The following SLC17A5 variants were observed in gnomAD, a reference collection of about 807,000 sequenced individuals.
SLC17A5 encodes the protein solute carrier family 17 member 5, also known as sialin.
Under a neutral mutation model 59.4 loss-of-function variants are expected in SLC17A5, and 47 were observed. The observed-to-expected ratio is 0.79, with a 90% CI of 0.63 to 1.01. The LOEUF (loss-of-function observed/expected upper bound fraction) is 1.01, where lower values mean the gene tolerates loss of function less well. Among genes scored for constraint, SLC17A5 ranks in the 50% least tolerant of loss-of-function variants. SLC17A5 has a pLI of 0.00. For missense variants in SLC17A5, 522 were observed against 595.5 expected, an observed-to-expected ratio of 0.88 and a Z score of 1.28; for synonymous variants, 202 against 210.7, an observed-to-expected ratio of 0.96 and a Z score of 0.36.
chr6:73,606,575 C>T (rs1324687965), intron 9 of SLC17A5, among the ~76,000 whole-genome samples: 1 of 151,770 alleles, frequency 6.6e-6, no homozygotes, highest in African/African-American at 2.4e-5. Context: ...AAGATGTAGA[C>T]TTCAACCACC....
chr6:73,635,346 T>G (rs1263441873), intron 6 of SLC17A5, 36 bp downstream of exon 6: 1 of 1,168,332 alleles, frequency 8.6e-7, no homozygotes, highest in African/African-American at 1.5e-5. Context: ...AAAAAAAGTT[T>G]CTGACATTAT....
Position 73,641,767 on chromosome 6 carries a change from G to A in SLC17A5, c.449C>T (p.Thr150Ile). ...GFGILGTAVL[T>I]LFTPIAADLG... is the part of the protein sequence containing the mutation. ...ATCTGCAGCAATGGGAGTGAACAGG[G>A]TGAGGACAGCAGTGCCAAGGATCCC... Residue 150 changes from threonine (T) to isoleucine (I), a missense_variant, in exon 3 of 11, where the codon ACC (threonine) becomes ATC (isoleucine). Physicochemically the swap from Thr to Ile is moderately conservative, Grantham distance 89. This residue lies in a region of SLC17A5 where 338 missense variants were observed against 363.8 expected (regional missense o/e 0.93). Transcript: ENST00000355773. The A allele has an allele frequency of 6.2e-7, 1 of 1,614,110 alleles. No individual in the cohort carries two copies. Among genetic ancestry groups the A allele is most frequent in the Non-Finnish European group, 8.5e-7 (1 of 1,180,012 alleles).
chr6:73,595,294 G>A lies in SLC17A5; in HGVS notation c.1351-80C>T, dbSNP rs915784180. The A allele has an allele frequency of 9.4e-6, 14 of 1,484,014 alleles. No homozygotes were observed. The African/African-American group carries it at 1.3e-4, about 13-fold the overall frequency. The allele number at this position is 1,484,014 out of a possible 1,614,324, so 91.9% of individuals were successfully genotyped here. A position where few individuals can be genotyped will look rare whatever the true frequency, so the allele number is the denominator to read the frequency against. On this transcript the variant is annotated intron_variant, in intron 10 of 10. Coordinates refer to ENST00000355773, the MANE Select transcript of SLC17A5 (RefSeq NM_012434.5). Reference sequence around the variant, plus strand: ...TCATTAAAAAGATAGTGTCACAAGAGTGTTAAAACAGCCACATTATTCATA... The same window carrying A: ...TCATTAAAAAGATAGTGTCACAAGAATGTTAAAACAGCCACATTATTCATA...
chr6:73,633,377 A>T (rs1013693618), intron 6 of SLC17A5, among the ~76,000 whole-genome samples: 1 of 151,880 alleles, frequency 6.6e-6, no homozygotes, highest in African/African-American at 2.4e-5. Context: ...TAAAAAACTT[A>T]AAAAGAAATG....
At chr6:73,615,531 A>C (rs561936110) in intron 7 of SLC17A5, 84 bp from the exon 8 acceptor site, 67 of 1,374,240 alleles carry the variant, frequency 4.9e-5, no homozygotes, top group Non-Finnish European at 6.9e-5. Flanking sequence ...AATGACCACC[A>C]CTTGAAAGCA....
intron 6 of SLC17A5, among the ~76,000 whole-genome samples, chr6:73,628,853 A>G (rs543275205): frequency 6.6e-6 from 1 of 152,318 alleles, no homozygotes; most frequent in East Asian, 1.9e-4. Flanking sequence ...TATAGAGGGT[A>G]AGATCACTCG....
chr6:73,622,958 C>T (rs1320876274), intron 6 of SLC17A5, among the ~76,000 whole-genome samples: 3 of 152,074 alleles, frequency 2.0e-5, no homozygotes, highest in Admixed American at 1.3e-4. Context: ...TCGTATGAGT[C>T]CCCCAATTCA....
Position 73,618,530 on chromosome 6 carries a change from T to C in SLC17A5, c.979-3083A>G, listed in dbSNP as rs530848018. 5 of 522,218 alleles carry C rather than the reference T, an allele frequency of 9.6e-6. No homozygotes were observed. The Middle Eastern group carries it at 1.8e-3, about 183-fold the overall frequency. 32.3% of individuals were successfully genotyped at this position (522,218 alleles called of 1,614,324 possible). A position where few individuals can be genotyped will look rare whatever the true frequency, so the allele number is the denominator to read the frequency against. ...TTGTGTGTTGGGTGCTCTACTGTCC[T>C]CTGCCAGCCTACAGGAGGAAAAGCA... On this transcript the variant is annotated intron_variant, in intron 7 of 10. Transcript: ENST00000355773.
chr6:73,634,251 A>G (rs1768897937), intron 6 of SLC17A5, among the ~76,000 whole-genome samples: 1 of 152,184 alleles, frequency 6.6e-6, no homozygotes, highest in Non-Finnish European at 1.5e-5. Flanking sequence ...ATATCATAAT[A>G]AATGTGCTGT....
chr6:73,618,521 C>A, intron 7 of SLC17A5: 1 of 522,382 alleles, frequency 1.9e-6, no homozygotes, highest in South Asian at 1.7e-5. Flanking sequence ...GTTGGGTGCT[C>A]TACTGTCCTC....
At chr6:73,632,379 G>A (rs1581979867) in intron 6 of SLC17A5, among the ~76,000 whole-genome samples, 1 of 144,736 alleles carries the variant, frequency 6.9e-6, no homozygotes, top group African/African-American at 2.6e-5. Context: ...TCCGAAGTGT[G>A]TCGAGAAACA....
chr6:73,653,736 A>G, intron 1 of SLC17A5, 57 bp downstream of exon 1: 9 of 1,478,798 alleles, frequency 6.1e-6, no homozygotes, highest in Non-Finnish European at 8.3e-6. Flanking sequence ...CGGCCCAGAG[A>G]CCGCCGCCCC....
At position 73,635,363 on chromosome 6, in the gene SLC17A5, A is replaced by G. The variant is rs201859687; in HGVS notation, c.819+19T>C. The G allele has an allele frequency of 3.0e-5, 39 of 1,319,594 alleles. No individual in the cohort carries two copies. Among genetic ancestry groups the G allele is most frequent in the Middle Eastern group, 2.2e-4 (1 of 4,618 alleles). 81.7% of individuals were successfully genotyped at this position (1,319,594 alleles called of 1,614,324 possible). On this transcript the variant is annotated intron_variant, in intron 6 of 10. Transcript: ENST00000355773. ...AAAAAGTTTCTGACATTATTTTTAA[A>G]ATGTGTCAAAGTCCATACCTGATTT...
chr6:73,638,409 C>G lies in SLC17A5; in HGVS notation c.613+3G>C. 6.2e-7 allele frequency: 1 copy of G among 1,610,840 alleles called. No individual in the cohort carries two copies. The highest frequency in any genetic ancestry group is 8.5e-7 in the Non-Finnish European group (1 of 1,177,148). ...CAGCAAAATTTGGTAATTGTTATCT[C>G]ACCTGCATATGAAATGCTAAGAAGT... On this transcript the variant is annotated splice_donor_region_variant and intron_variant, in intron 4 of 10. Coordinates refer to ENST00000355773, the MANE Select transcript of SLC17A5 (RefSeq NM_012434.5).
chr6:73,648,759 G>A (rs1769701433), intron 1 of SLC17A5, among the ~76,000 whole-genome samples: 1 of 152,100 alleles, frequency 6.6e-6, no homozygotes, highest in African/African-American at 2.4e-5. Flanking sequence ...GAGACAGTCA[G>A]AGAAGGCCTC....
intron 6 of SLC17A5, among the ~76,000 whole-genome samples, chr6:73,628,454 C>T (rs1768538777): frequency 6.6e-6 from 1 of 151,988 alleles, no homozygotes; most frequent in South Asian, 2.1e-4. Flanking sequence ...GCATGTAATC[C>T]CAGCTACTCG....
rs1376509765 is a variant in SLC17A5 at position 73,594,055 on chromosome 6, A to T, written c.*1022T>A. ...TTTTTTTGAGTTGGAGTCTCGCTCC[A>T]TCGCCCAGGCTGGAGTGCAGTGGCG... On this transcript the variant is annotated 3_prime_UTR_variant, in exon 11 of 11. Transcript: ENST00000355773. 1 of 149,686 alleles carries T rather than the reference A, an allele frequency of 6.7e-6. No homozygotes were observed. The highest frequency in any genetic ancestry group is 1.5e-5 in the Non-Finnish European group (1 of 67,662). 9.3% of individuals were successfully genotyped at this position (149,686 alleles called of 1,614,324 possible).
intron 8 of SLC17A5, among the ~76,000 whole-genome samples, chr6:73,612,597 T>C (rs1447488844): frequency 6.6e-6 from 1 of 152,304 alleles, no homozygotes; most frequent in Middle Eastern, 3.4e-3. Flanking sequence ...TTTTTAGAGA[T>C]AGGGTATTGC....
chr6:73,632,485 C>T (rs1311678633), intron 6 of SLC17A5, among the ~76,000 whole-genome samples: 1 of 133,960 alleles, frequency 7.5e-6, no homozygotes, highest in African/African-American at 2.8e-5. Flanking sequence ...CTCTGTTGCC[C>T]AAGCTGGAGT....
Sources: gnomAD v4.1 joint callset for allele counts (sites outside exome capture counted in the v4.1 genomes callset) on GRCh38, gnomAD v4.1.1 for gene constraint, gnomAD v4.1.1 regional missense constraint, MANE v1.5 for transcripts, NCBI Gene and HGNC (gene_info 2026-07-23, HGNC 2026-07-21) for gene names.